PCDHGA7: variants seen among roughly 807,000 people sequenced by gnomAD.
PCDHGA7 encodes the protein protocadherin gamma-A7.
A neutral mutation model predicts 58.3 loss-of-function variants in PCDHGA7; 44 were observed. The ratio of observed to expected loss-of-function variants is 0.75; its 90% CI spans 0.59 to 0.97. The LOEUF is 0.97. Ranked by LOEUF, PCDHGA7 falls within the 50% of genes least tolerant of loss-of-function variation. The pLI is 0.00. For synonymous variants in PCDHGA7, 516 were observed against 504.2 expected (o/e 1.02, Z -0.31); for missense variants, 1,266 against 1,188.7 (o/e 1.06, Z -0.96).
intron 1 of PCDHGA7, chr5:141,422,035 C>A: frequency 6.2e-7 from 1 of 1,611,086 alleles, no homozygotes; most frequent in South Asian, 1.1e-5. Flanking sequence ...TGCAACGGAT[C>A]CAGACGAGGG....
At chr5:141,388,993 G>A (rs778336882) in intron 1 of PCDHGA7, 1 of 1,614,026 alleles carries the variant, frequency 6.2e-7, no homozygotes, top group South Asian at 1.1e-5. Flanking sequence ...CTCAAAGTCC[G>A]TGACAAGGAT....
rs558951022 is a variant in PCDHGA7 at position 141,501,554 on chromosome 5, C to T, written c.2484-3839C>T. On this transcript the variant is annotated intron_variant, in intron 2 of 3. Coordinates refer to ENST00000518325, the MANE Select transcript of PCDHGA7 (RefSeq NM_018920.4). ...CGTTGTTGTGCATAAGATCATAGGC[C>T]CTGGAATCATATTAGGCTGGCTTTC... is the stretch of plus-strand genomic sequence containing the variant. Among the ~76,000 whole-genome samples the T allele has an allele frequency of 3.3e-5, 5 of 152,044 alleles. No homozygotes were observed. In the East Asian group the frequency reaches 7.8e-4, roughly 24 times the overall value.
chr5:141,419,967 TTCTC>T (rs1324855239), intron 1 of PCDHGA7: 2 of 1,614,086 alleles, frequency 1.2e-6, no homozygotes, highest in Admixed American at 3.3e-5. Context: ...TCTGTGCTCT[TTCTC>T]CTCGCGGTGA....
chr5:141,404,917 G>T (rs750464541), intron 1 of PCDHGA7: 6 of 1,613,652 alleles, frequency 3.7e-6, no homozygotes, highest in East Asian at 2.2e-5. Flanking sequence ...CCCCTCTCTC[G>T]GCCACTGTCA....
Position 141,476,214 on chromosome 5 carries a change from T to C in PCDHGA7, c.2425-18593T>C, listed in dbSNP as rs768153063. 1 of 1,613,974 alleles carries C rather than the reference T, an allele frequency of 6.2e-7. No homozygotes were observed. Among genetic ancestry groups the C allele is most frequent in the African/African-American group, 1.3e-5 (1 of 74,990 alleles). ...GCCTTGAACAAGGCTTCCACGGTCA[T>C]TCACTATGAGATCCCGGAGGAAAGA... On this transcript the variant is annotated intron_variant, in intron 1 of 3. Coordinates refer to ENST00000518325, the MANE Select transcript of PCDHGA7 (RefSeq NM_018920.4). The surrounding 1 kb of genome is among the most constrained non-coding windows in gnomAD (Gnocchi z 7.6).
chr5:141,395,343 G>T (rs903122712), intron 1 of PCDHGA7: 1 of 1,396,676 alleles, frequency 7.2e-7, no homozygotes, highest in Non-Finnish European at 9.5e-7. Flanking sequence ...TTTTTAAGGT[G>T]TATCACAGAG....
At chr5:141,392,945 C>A in intron 1 of PCDHGA7, 2 of 1,613,916 alleles carry the variant, frequency 1.2e-6, no homozygotes, top group Non-Finnish European at 1.7e-6. Flanking sequence ...AAGGCTCCTT[C>A]GTGGGTAATA....
At chr5:141,446,461 A>G (rs1273508266) in intron 1 of PCDHGA7, among the ~76,000 whole-genome samples, 1 of 151,298 alleles carries the variant, frequency 6.6e-6, no homozygotes, top group Non-Finnish European at 1.5e-5. Flanking sequence ...TCAGTGTGTG[A>G]TTAGACATAT....
At chr5:141,468,931 G>A (rs1321821773) in intron 1 of PCDHGA7, among the ~76,000 whole-genome samples, 2 of 148,600 alleles carry the variant, frequency 1.3e-5, no homozygotes, top group Non-Finnish European at 3.0e-5. Flanking sequence ...GCACTAAAAT[G>A]GGAGATGGGG....
chr5:141,407,996 TG>T, intron 1 of PCDHGA7: 1 of 872,306 alleles, frequency 1.1e-6, no homozygotes, highest in Non-Finnish European at 1.7e-6. Flanking sequence ...GCCTCTGGCC[TG>T]GGATTCCCTG....
Position 141,427,920 on chromosome 5 carries a change from C to T in PCDHGA7, c.2424+42597C>T, listed in dbSNP as rs552823212. The T allele has an allele frequency of 3.8e-6, 6 of 1,579,506 alleles. No homozygotes were observed. In the African/African-American group the frequency reaches 4.0e-5, roughly 11 times the overall value. On this transcript the variant is annotated intron_variant, in intron 1 of 3. Transcript: ENST00000518325. The stretch of plus-strand genomic sequence containing the variant: ...GCCCGCGCTCAGCGCCAACATGAGC[C>T]GGCGCATGTTGGTGGGCGACCTCAA...
intron 1 of PCDHGA7, chr5:141,409,251 C>T (rs2095247124): frequency 6.2e-7 from 1 of 1,613,922 alleles, no homozygotes; most frequent in Non-Finnish European, 8.5e-7. Context: ...ATAATCATCA[C>T]TTCTCTCTCT....
chr5:141,419,395 G>T (rs374575981), intron 1 of PCDHGA7: 50 of 1,613,478 alleles, frequency 3.1e-5, no homozygotes, highest in Non-Finnish European at 4.0e-5. Flanking sequence ...CGCAGAGCGG[G>T]GTGGTGTTCG....
At chr5:141,419,656 G>A (rs1374057056) in intron 1 of PCDHGA7, 15 of 1,612,528 alleles carry the variant, frequency 9.3e-6, no homozygotes, top group Non-Finnish European at 8.5e-6. Context: ...CGGACTCGGG[G>A]CACAATGCCT....
chr5:141,408,077 G>A, intron 1 of PCDHGA7: 2 of 1,408,130 alleles, frequency 1.4e-6, no homozygotes, highest in South Asian at 3.0e-5. Context: ...ACCTTTCCCA[G>A]CACAGCGGAT....
chr5:141,397,862 G>A (rs956658469), intron 1 of PCDHGA7: 5 of 566,952 alleles, frequency 8.8e-6, no homozygotes, highest in African/African-American at 7.5e-5. Flanking sequence ...TAGTTTCCTA[G>A]TGCTGACTCT....
At chr5:141,465,338 G>C (rs908157154) in intron 1 of PCDHGA7, among the ~76,000 whole-genome samples, 6 of 151,962 alleles carry the variant, frequency 3.9e-5, no homozygotes, top group Admixed American at 2.6e-4. Context: ...TTTTATATTG[G>C]TTACTGAAGA....
chr5:141,394,746 G>A (rs1380467870), intron 1 of PCDHGA7: 3 of 1,613,418 alleles, frequency 1.9e-6, no homozygotes. Flanking sequence ...CCTCGTGGTG[G>A]CCGTCCAGGA....
chr5:141,393,950 T>C (rs1203228447), intron 1 of PCDHGA7: 1 of 1,613,996 alleles, frequency 6.2e-7, no homozygotes, highest in Non-Finnish European at 8.5e-7. Context: ...CTGGAAAGAA[T>C]GGTCAAGTTG....
Sources: gnomAD v4.1 joint callset for allele counts (sites outside exome capture counted in the v4.1 genomes callset) on GRCh38, gnomAD v4.1.1 for gene constraint, Gnocchi (gnomAD v3.1) non-coding constraint, MANE v1.5 for transcripts, NCBI Gene and HGNC (gene_info 2026-07-23, HGNC 2026-07-21) for gene names.